Variants in PALM2AKAP2 observed in about 807,000 individuals in gnomAD.
PALM2AKAP2 encodes PALM2 and AKAP2 fusion.
Under a neutral mutation model 71.5 loss-of-function variants are expected in PALM2AKAP2, and 37 were observed. That is an observed-to-expected ratio of 0.52 (90% CI 0.40 to 0.68). The LOEUF (loss-of-function observed/expected upper bound fraction) is 0.68. Among genes scored for constraint, PALM2AKAP2 ranks in the 30% least tolerant of loss-of-function variants. The pLI, the probability that PALM2AKAP2 is intolerant of heterozygous loss-of-function variation, is 0.00. For synonymous variants in PALM2AKAP2, 468 were observed against 478.8 expected (o/e 0.98, Z 0.29); for missense variants, 1,224 against 1,191.8 (o/e 1.03, Z -0.40).
intron 2 of PALM2AKAP2, among the ~76,000 whole-genome samples, chr9:109,874,278 T>G (rs1021013018): frequency 3.9e-5 from 6 of 152,160 alleles, no homozygotes; most frequent in Non-Finnish European, 7.3e-5. Context: ...TTCCATGTTA[T>G]GAAGTGGATC....
chr9:109,892,387 C>T (rs1163866561), intron 3 of PALM2AKAP2, among the ~76,000 whole-genome samples: 1 of 151,710 alleles, frequency 6.6e-6, no homozygotes, highest in East Asian at 1.9e-4. Context: ...ATAATCTCTT[C>T]TCAAGATCCT....
intron 7 of PALM2AKAP2, among the ~76,000 whole-genome samples, chr9:110,022,530 C>A (rs1833091434): frequency 6.6e-6 from 1 of 151,924 alleles, no homozygotes; most frequent in Non-Finnish European, 1.5e-5. Flanking sequence ...ATATTCCCTC[C>A]TCCAGTGGCA....
chr9:110,006,121 G>C (rs1161553534), intron 6 of PALM2AKAP2, among the ~76,000 whole-genome samples: 8 of 152,152 alleles, frequency 5.3e-5, no homozygotes, highest in Admixed American at 5.2e-4. Flanking sequence ...CGTCACTCAT[G>C]CTGGGAGCTA....
At chr9:109,783,893 G>A (rs1343154844) in intron 1 of PALM2AKAP2, among the ~76,000 whole-genome samples, 1 of 152,226 alleles carries the variant, frequency 6.6e-6, no homozygotes, top group African/African-American at 2.4e-5. Context: ...ATGAACATCT[G>A]TGGAATATCC....
chr9:109,720,757 T>C (rs1828393400), intron 1 of PALM2AKAP2, among the ~76,000 whole-genome samples: 1 of 152,248 alleles, frequency 6.6e-6, no homozygotes, highest in Non-Finnish European at 1.5e-5. Context: ...TATACACAAA[T>C]GCAGGCAAAG....
At chr9:109,961,560 T>A (rs989035422) in intron 6 of PALM2AKAP2, among the ~76,000 whole-genome samples, 1 of 152,256 alleles carries the variant, frequency 6.6e-6, no homozygotes, top group Non-Finnish European at 1.5e-5. Flanking sequence ...AGTTTGCACA[T>A]GTTTTACCAG....
chr9:110,077,740 G>A (rs1834352184), intron 1 of PALM2AKAP2, among the ~76,000 whole-genome samples: 1 of 152,224 alleles, frequency 6.6e-6, no homozygotes, highest in Non-Finnish European at 1.5e-5. Flanking sequence ...TCTTAGCCGA[G>A]TGCAGTGGCT....
intron 1 of PALM2AKAP2, among the ~76,000 whole-genome samples, chr9:109,808,734 G>C (rs966278284): frequency 2.0e-5 from 3 of 152,254 alleles, no homozygotes; most frequent in African/African-American, 7.2e-5. Context: ...CGGCATGTCA[G>C]AGGTCTTCAT....
intron 1 of PALM2AKAP2, among the ~76,000 whole-genome samples, chr9:110,085,090 T>A (rs1834538366): frequency 6.6e-6 from 1 of 152,100 alleles, no homozygotes; most frequent in African/African-American, 2.4e-5. Flanking sequence ...GTTGGTTGAG[T>A]CTACAGTGTG....
At chr9:109,977,170 T>A (rs1284936203) in intron 6 of PALM2AKAP2, among the ~76,000 whole-genome samples, 1 of 152,210 alleles carries the variant, frequency 6.6e-6, no homozygotes. Context: ...CTGTATCACA[T>A]TGACTCTCAG....
chr9:109,734,700 T>G (rs1327917372), intron 1 of PALM2AKAP2, among the ~76,000 whole-genome samples: 2 of 152,178 alleles, frequency 1.3e-5, no homozygotes, highest in Non-Finnish European at 2.9e-5. Flanking sequence ...CAGCAACGGA[T>G]CCATGTGTTA....
At chr9:110,107,931 C>T (rs189367026) in intron 1 of PALM2AKAP2, among the ~76,000 whole-genome samples, 1 of 152,250 alleles carries the variant, frequency 6.6e-6, no homozygotes, top group East Asian at 1.9e-4. Flanking sequence ...GCACAGTGCA[C>T]ATGAGGCAAA....
chr9:109,794,198 T>C (rs1368246768), intron 1 of PALM2AKAP2, among the ~76,000 whole-genome samples: 1 of 152,226 alleles, frequency 6.6e-6, no homozygotes, highest in African/African-American at 2.4e-5. Flanking sequence ...GTTTTGCCGC[T>C]GTGGAATTTT....
At chr9:110,128,253 T>C (rs1191535483) in intron 1 of PALM2AKAP2, among the ~76,000 whole-genome samples, 1 of 152,202 alleles carries the variant, frequency 6.6e-6, no homozygotes, top group Non-Finnish European at 1.5e-5. Context: ...CATCCTGACT[T>C]AGCCAGAAAG....
chr9:110,083,521 T>C (rs992904569), intron 1 of PALM2AKAP2, among the ~76,000 whole-genome samples: 2 of 152,218 alleles, frequency 1.3e-5, no homozygotes, highest in African/African-American at 4.8e-5. Flanking sequence ...ATTGACAGCC[T>C]AGGATACTGT....
intron 3 of PALM2AKAP2, among the ~76,000 whole-genome samples, chr9:109,883,773 G>C (rs1484615700): frequency 1.3e-5 from 2 of 152,190 alleles, no homozygotes; most frequent in Admixed American, 6.5e-5. Flanking sequence ...AAGTCCCTGT[G>C]GATTGGCTGG....
chr9:109,996,995 C>T lies in PALM2AKAP2; in HGVS notation c.497-18959C>T, dbSNP rs768319809. Among the ~76,000 whole-genome samples the T allele has an allele frequency of 3.9e-5, 6 of 152,260 alleles. No homozygotes were observed. In the South Asian group the frequency reaches 1.2e-3, roughly 32 times the overall value. On this transcript the variant is annotated intron_variant, in intron 6 of 9. Coordinates refer to the PALM2AKAP2 transcript ENST00000302798. ...CTTGAATCCAGGAGTTCAAGACCAGCCTGGCGAACGTGGTGAGACCCCATC... is the reference window on the plus strand; with the variant it reads ...CTTGAATCCAGGAGTTCAAGACCAGTCTGGCGAACGTGGTGAGACCCCATC...
At chr9:109,704,461 C>T (rs1828111040) in intron 1 of PALM2AKAP2, among the ~76,000 whole-genome samples, 1 of 152,130 alleles carries the variant, frequency 6.6e-6, no homozygotes, top group East Asian at 1.9e-4. Context: ...AAGAAGTAGT[C>T]CTTGGTCCTT....
chr9:110,049,909 C>A (rs1044393944), intron 1 of PALM2AKAP2, among the ~76,000 whole-genome samples: 2 of 152,188 alleles, frequency 1.3e-5, no homozygotes, highest in Non-Finnish European at 2.9e-5. Context: ...CGCTCGCCAG[C>A]CTGAGGGATC....
Sources: gnomAD v4.1 joint callset for allele counts (sites outside exome capture counted in the v4.1 genomes callset) on GRCh38, gnomAD v4.1.1 for gene constraint, MANE v1.5 for transcripts, NCBI Gene and HGNC (gene_info 2026-07-23, HGNC 2026-07-21) for gene names.